The following SEMA4G variants were observed in gnomAD, a reference collection of about 807,000 sequenced individuals.
SEMA4G encodes the protein semaphorin-4G.
A neutral mutation model predicts 81.2 loss-of-function variants in SEMA4G; 59 were observed. The observed-to-expected ratio is 0.73, with a 90% CI of 0.59 to 0.90. The LOEUF is 0.90. Among genes scored for constraint, SEMA4G ranks in the 40% least tolerant of loss-of-function variants. SEMA4G has a pLI of 0.00. For missense variants in SEMA4G, 952 were observed against 1,102.3 expected, an observed-to-expected ratio of 0.86 and a Z score of 1.93; for synonymous variants, 404 against 433.9, an observed-to-expected ratio of 0.93 and a Z score of 0.86.
exon 14 of SEMA4G, chr10:100,984,249 A>G: frequency 1.4e-6 from 2 of 1,447,856 alleles, no homozygotes; most frequent in South Asian, 2.9e-5. Context: ...CCTTCTCCCA[A>G]CTTTTTGATG....
exon 14 of SEMA4G, chr10:100,984,637 C>A: frequency 6.5e-7 from 1 of 1,536,228 alleles, no homozygotes; most frequent in Non-Finnish European, 8.7e-7. Context: ...TGTTTATCGG[C>A]TGGGCTGCAG....
At chr10:100,983,870 C>A in exon 14 of SEMA4G, 1 of 1,567,196 alleles carries the variant, frequency 6.4e-7, no homozygotes, top group Non-Finnish European at 8.6e-7. Context: ...TGGAGGGCAG[C>A]TGTCTCCAGA....
chr10:100,978,364 C>T lies in SEMA4G; in HGVS notation c.505C>T (p.Arg169Cys), dbSNP rs140978394. 156 of 1,613,378 alleles carry T rather than the reference C, an allele frequency of 9.7e-5. No individual in the cohort carries two copies. Among genetic ancestry groups the T allele is most frequent in the Admixed American group, 5.2e-4 (31 of 59,938 alleles). ...GGAGAAGTGTCCTTATGACCCAGCC[C>T]GTGGCTTCACAGGCCTCATCATTGG... Residue 169 changes from arginine to cysteine, a missense_variant, in exon 5 of 14, where the codon CGT becomes TGT. Physicochemically the swap from Arg to Cys is radical, Grantham distance 180. Transcript: ENST00000370250.
intron 12 of SEMA4G, 54 bp downstream of exon 13, chr10:100,981,051 C>T: frequency 6.3e-7 from 1 of 1,596,392 alleles, no homozygotes; most frequent in Non-Finnish European, 8.5e-7. Flanking sequence ...AGGAGGAAGG[C>T]CTGATAGCTA....
exon 10 of SEMA4G, chr10:100,980,218 C>T (rs1330018610): frequency 1.9e-6 from 3 of 1,614,236 alleles, no homozygotes; most frequent in African/African-American, 1.3e-5. Context: ...ACTGATGGCT[C>T]GGCCCGTTGT....
chr10:100,983,006 C>A (rs12571302), intron 13 of SEMA4G, among the ~76,000 whole-genome samples: 40,371 of 152,052 alleles, frequency 0.27, 6,075 homozygotes, highest in East Asian at 0.54. Flanking sequence ...GAGTCTGGCA[C>A]TCAGGAGAGA....
At chr10:100,982,540 C>G (rs756601067) in intron 13 of SEMA4G, among the ~76,000 whole-genome samples, 1 of 152,130 alleles carries the variant, frequency 6.6e-6, no homozygotes, top group Non-Finnish European at 1.5e-5. Context: ...TGCCTATAAT[C>G]CAGCACTTTG....
rs767590765 is a variant in SEMA4G at position 100,980,081 on chromosome 10, G to C, written c.1129-41G>C. Reference sequence around the variant, plus strand: ...GGCCTTGTGGAGAGGGCAGGCAGGTGGTGGAGTCCCGAGGTTCACCACCTT... The same window carrying C: ...GGCCTTGTGGAGAGGGCAGGCAGGTCGTGGAGTCCCGAGGTTCACCACCTT... On this transcript the variant is annotated intron_variant, in intron 9 of 13. Coordinates refer to ENST00000370250, the Ensembl canonical transcript of SEMA4G. 6 of 1,612,840 alleles carry C rather than the reference G, an allele frequency of 3.7e-6. No homozygotes were observed. In the African/African-American group the frequency reaches 6.7e-5, roughly 18 times the overall value.
At chr10:100,971,835 A>G (rs906001723), upstream of SEMA4G, among the ~76,000 whole-genome samples, 12 of 152,180 alleles carry the variant, frequency 7.9e-5, no homozygotes, top group Admixed American at 2.0e-4. Flanking sequence ...CACGTTGCTT[A>G]TGTCTCAACT....
At chr10:100,977,650 G>C in exon 4 of SEMA4G, 1 of 1,614,100 alleles carries the variant, frequency 6.2e-7, no homozygotes, top group Non-Finnish European at 8.5e-7. Context: ...CTTTAACCAT[G>C]TGCGGTTCCT....
chr10:100,973,400 C>A lies in SEMA4G; in HGVS notation c.273+123C>A. On this transcript the variant is annotated intron_variant, in intron 2 of 13. Transcript: ENST00000370250. This position sits in a 1 kb window ranked among gnomAD's most constrained non-coding sequence, Gnocchi z 5.5. Reference sequence around the variant, plus strand: ...CCCTGGTCAGACAGCACTGCCCTTCCCAGCCCAGGTGTTCCTTGCATTCAG... The same window carrying A: ...CCCTGGTCAGACAGCACTGCCCTTCACAGCCCAGGTGTTCCTTGCATTCAG... The A allele has an allele frequency of 7.1e-7, 1 of 1,417,502 alleles. No homozygotes were observed. The highest frequency in any genetic ancestry group is 9.7e-7 in the Non-Finnish European group (1 of 1,030,946). 87.8% of individuals were successfully genotyped at this position (1,417,502 alleles called of 1,614,324 possible).
Position 100,980,154 on chromosome 10 carries a change from CAA to C in SEMA4G, c.1162_1163del (p.Asn388PhefsTer56). On this transcript the variant is annotated frameshift_variant, in exon 10 of 14. Coordinates refer to ENST00000370250, the Ensembl canonical transcript of SEMA4G. LOFTEE classifies it high-confidence loss of function. ...CAGATTCATTGCGCAGCCAAGGCTA[CAA>C]TTCATCCCAAGACTTGCCATCCCTG... 6.2e-7 allele frequency: 1 copy of C among 1,614,248 alleles called. No individual in the cohort carries two copies. Among genetic ancestry groups the C allele is most frequent in the Non-Finnish European group, 8.5e-7 (1 of 1,180,044 alleles).
upstream of SEMA4G, chr10:100,970,002 C>T: frequency 1.6e-5 from 7 of 426,232 alleles, no homozygotes; most frequent in South Asian, 1.1e-4. Flanking sequence ...GGGGCTCTCT[C>T]AAGCCAGGAG....
chr10:100,977,771 T>C lies in SEMA4G; in HGVS notation c.435+41T>C, dbSNP rs755739504. On this transcript the variant is annotated intron_variant, in intron 4 of 13. Transcript: ENST00000370250. ...TTGTGCCAGATCTCTGTTGACTTCA[T>C]TAGGGATGGGATCATGTTCAAGATG... is the stretch of plus-strand genomic sequence containing the variant. 55 of 1,484,254 alleles carry C rather than the reference T, an allele frequency of 3.7e-5. No individual in the cohort carries two copies. In the East Asian group the frequency reaches 1.2e-3, roughly 34 times the overall value. 91.9% of individuals were successfully genotyped at this position (1,484,254 alleles called of 1,614,324 possible).
rs565104337 is a variant in SEMA4G, at chr10:100,980,223, C to T, written c.1230C>T (p.Pro410=). ...AGTTGCACCCACTGATGGCTCGGCC[C>T]GTTGTGCCCACACGTGGACGGCCCC... Residue 410 remains proline, a synonymous_variant, in exon 10 of 14, where the codon CCC becomes CCT. Coordinates refer to ENST00000370250, the Ensembl canonical transcript of SEMA4G. 2.5e-5 allele frequency: 41 copies of T among 1,614,228 alleles called. No individual in the cohort carries two copies. The South Asian group carries it at 3.4e-4, about 13-fold the overall frequency.
rs1418964344 is a variant in SEMA4G, at chr10:100,973,798, A to G, written c.336+189A>G. Reference sequence around the variant, plus strand: ...GCATTTTTTTTTTTTTCTTTTTTTGAGGTCGGATCTCACTCTGTCATCCAG... The same window carrying G: ...GCATTTTTTTTTTTTTCTTTTTTTGGGGTCGGATCTCACTCTGTCATCCAG... On this transcript the variant is annotated intron_variant, in intron 3 of 13. Coordinates refer to ENST00000370250, the Ensembl canonical transcript of SEMA4G. This position sits in a 1 kb window ranked among gnomAD's most constrained non-coding sequence, Gnocchi z 5.5. 6.8e-6 allele frequency among the ~76,000 whole-genome samples: 1 copy of G among 147,984 alleles called. No individual in the cohort carries two copies. Among genetic ancestry groups the G allele is most frequent in the Non-Finnish European group, 1.5e-5 (1 of 67,160 alleles).
intron 3 of SEMA4G, among the ~76,000 whole-genome samples, chr10:100,977,018 G>A (rs1192196847): frequency 1.3e-5 from 2 of 152,134 alleles, no homozygotes; most frequent in Admixed American, 1.3e-4. Flanking sequence ...TGTGGAGAGG[G>A]ACTGAATGTG....
At chr10:100,974,039 G>A (rs1275881718) in intron 3 of SEMA4G, among the ~76,000 whole-genome samples, 1 of 151,624 alleles carries the variant, frequency 6.6e-6, no homozygotes, top group Non-Finnish European at 1.5e-5. Flanking sequence ...GCCTCCCAAA[G>A]TGCTGGGATT....
At chr10:100,977,888 G>A in intron 4 of SEMA4G, 158 bp downstream of exon 5, 2 of 633,340 alleles carry the variant, frequency 3.2e-6, no homozygotes, top group Non-Finnish European at 5.6e-6. Flanking sequence ...GGCTGCACTG[G>A]AGAACCATTC....
Sources: gnomAD v4.1 joint callset for allele counts (sites outside exome capture counted in the v4.1 genomes callset) on GRCh38, gnomAD v4.1.1 for gene constraint, Gnocchi (gnomAD v3.1) non-coding constraint, MANE v1.5 for transcripts, NCBI Gene and HGNC (gene_info 2026-07-23, HGNC 2026-07-21) for gene names.